FGF12: variants seen among roughly 807,000 people sequenced by gnomAD.
FGF12 encodes the protein fibroblast growth factor 12B.
A neutral mutation model predicts 23.6 loss-of-function variants in FGF12; 14 were observed. That is an observed-to-expected ratio of 0.59 (90% CI 0.39 to 0.93). The LOEUF is 0.93. FGF12 is among the 40% of genes least tolerant of loss of function. The pLI is 0.00. For synonymous variants in FGF12, 62 were observed against 77.3 expected (o/e 0.80, Z 1.04); for missense variants, 175 against 217.8 (o/e 0.80, Z 1.24).
chr3:192,168,462 G>A (rs1384027115), intron 5 of FGF12, among the ~76,000 whole-genome samples: 3 of 152,108 alleles, frequency 2.0e-5, no homozygotes, highest in Non-Finnish European at 4.4e-5. Flanking sequence ...TAGCCCTGAA[G>A]GTAAGTTTAA....
At chr3:192,316,920 T>C (rs1716255199) in intron 4 of FGF12, among the ~76,000 whole-genome samples, 1 of 152,024 alleles carries the variant, frequency 6.6e-6, no homozygotes, top group South Asian at 2.1e-4. Context: ...CACTATAGAA[T>C]AGAGCACCAG....
intron 2 of FGF12, chr3:192,407,919 G>A: frequency 8.1e-7 from 1 of 1,230,150 alleles, no homozygotes. Context: ...GGGTCAGAAT[G>A]TAAAAGAGGA....
intron 5 of FGF12, among the ~76,000 whole-genome samples, chr3:192,146,293 C>T (rs1252001480): frequency 4.1e-5 from 4 of 98,530 alleles, no homozygotes; most frequent in Admixed American, 1.0e-4. Flanking sequence ...TTTTTTGAGA[C>T]GGAGTCTCGC....
chr3:192,211,698 A>T (rs956629692), intron 4 of FGF12, among the ~76,000 whole-genome samples: 1 of 152,178 alleles, frequency 6.6e-6, no homozygotes, highest in African/African-American at 2.4e-5. Flanking sequence ...AAGTGCTGGG[A>T]TTACAGGTGT....
At chr3:192,392,742 G>A (rs544888616) in intron 2 of FGF12, among the ~76,000 whole-genome samples, 58 of 152,066 alleles carry the variant, frequency 3.8e-4, no homozygotes, top group African/African-American at 1.3e-3. Flanking sequence ...TAAGATAAAG[G>A]CCTTTGTTTT....
At chr3:192,445,784 T>C (rs1018613034) in intron 2 of FGF12, among the ~76,000 whole-genome samples, 1 of 152,152 alleles carries the variant, frequency 6.6e-6, no homozygotes, top group African/African-American at 2.4e-5. Flanking sequence ...AGCAAAAAGA[T>C]TGGCAGCACG....
chr3:192,640,173 G>A (rs868418843), intron 2 of FGF12, among the ~76,000 whole-genome samples: 1 of 152,240 alleles, frequency 6.6e-6, no homozygotes, highest in Middle Eastern at 3.4e-3. Flanking sequence ...AATGTGTGCT[G>A]TATTTGCTGA....
chr3:192,171,147 C>T (rs9867067), intron 4 of FGF12, among the ~76,000 whole-genome samples: 4,700 of 152,156 alleles, frequency 0.031, 264 homozygotes, highest in African/African-American at 0.11. Context: ...ACCACTTTTC[C>T]TAAAGTCAGT....
intron 4 of FGF12, among the ~76,000 whole-genome samples, chr3:192,332,192 C>A (rs899702979): frequency 4.6e-5 from 7 of 151,922 alleles, no homozygotes; most frequent in Non-Finnish European, 2.9e-5. Context: ...GTGATATTTA[C>A]TAGCAAGAAA....
chr3:192,687,887 T>C (rs1312445733), intron 2 of FGF12, among the ~76,000 whole-genome samples: 1 of 152,156 alleles, frequency 6.6e-6, no homozygotes, highest in Non-Finnish European at 1.5e-5. Context: ...CATGTGCACA[T>C]GCAGTCAGTC....
chr3:192,599,298 T>C (rs1309557306), intron 2 of FGF12, among the ~76,000 whole-genome samples: 1 of 147,330 alleles, frequency 6.8e-6, no homozygotes, highest in African/African-American at 2.5e-5. Flanking sequence ...ACTGTTACCT[T>C]TGGAATCCTA....
chr3:192,615,268 A>G (rs1488744149), intron 2 of FGF12, among the ~76,000 whole-genome samples: 1 of 151,982 alleles, frequency 6.6e-6, no homozygotes, highest in Admixed American at 6.6e-5. Context: ...CACACTTTAA[A>G]TGTGTGTGTT....
chr3:192,185,881 G>C (rs1262274467), intron 4 of FGF12, among the ~76,000 whole-genome samples: 1 of 151,176 alleles, frequency 6.6e-6, no homozygotes, highest in East Asian at 1.9e-4. Flanking sequence ...AAGTTACAGC[G>C]AATAATTAAT....
chr3:192,630,197 GC>G (rs1255594260), intron 2 of FGF12, among the ~76,000 whole-genome samples: 1 of 152,114 alleles, frequency 6.6e-6, no homozygotes, highest in African/African-American at 2.4e-5. Context: ...TTTGGCTTCT[GC>G]CATCATTGTA....
intron 2 of FGF12, among the ~76,000 whole-genome samples, chr3:192,610,268 A>T (rs1714503181): frequency 6.6e-6 from 1 of 152,078 alleles, no homozygotes; most frequent in Admixed American, 6.6e-5. Flanking sequence ...AAGCAAAAGA[A>T]GCTGAGAGCT....
intron 4 of FGF12, among the ~76,000 whole-genome samples, chr3:192,181,739 TC>T (rs11352276): frequency 0.3 from 44,971 of 150,770 alleles, 7,242 homozygotes; most frequent in East Asian, 0.72. Context: ...CAAGCAATTC[TC>T]CTGCCTCAGC....
At chr3:192,697,330 A>C (rs1442053935) in intron 2 of FGF12, among the ~76,000 whole-genome samples, 1 of 152,206 alleles carries the variant, frequency 6.6e-6, no homozygotes, top group Non-Finnish European at 1.5e-5. Context: ...AAAGAATTTC[A>C]CTTCTTGCAA....
chr3:192,640,417 A>G (rs1445115716), intron 2 of FGF12, among the ~76,000 whole-genome samples: 1 of 152,198 alleles, frequency 6.6e-6, no homozygotes, highest in Admixed American at 6.5e-5. Flanking sequence ...TGCCGGGAGA[A>G]TGTTTTTCAC....
chr3:192,458,591 C>T (rs1722757559), intron 2 of FGF12, among the ~76,000 whole-genome samples: 1 of 152,110 alleles, frequency 6.6e-6, no homozygotes. Context: ...TGTATTTACC[C>T]AATAACTGTA....
Sources: allele counts gnomAD v4.1 joint callset (sites outside exome capture counted in the v4.1 genomes callset), GRCh38; gene constraint gnomAD v4.1.1; transcripts MANE v1.5; gene names NCBI Gene and HGNC (gene_info 2026-07-23, HGNC 2026-07-21).